CTNNA3: variants seen among roughly 807,000 people sequenced by gnomAD.
CTNNA3 encodes the protein catenin alpha 3.
A neutral mutation model predicts 95.7 loss-of-function variants in CTNNA3; 76 were observed. That is an observed-to-expected ratio of 0.79 (90% CI 0.66 to 0.96). The LOEUF is 0.96. Ranked by LOEUF, CTNNA3 falls within the 40% of genes least tolerant of loss-of-function variation. The probability of loss-of-function intolerance (pLI) is 0.00; values close to 1 mark genes in which losing one functional copy is unlikely to be tolerated. For synonymous variants in CTNNA3, 431 were observed against 374.4 expected (o/e 1.15, Z -1.74); for missense variants, 1,191 against 1,089.8 (o/e 1.09, Z -1.31).
At chr10:66,766,550 A>T in intron 8 of CTNNA3, 134 bp from the exon 9 acceptor site, 2 of 685,384 alleles carry the variant, frequency 2.9e-6, no homozygotes, top group Admixed American at 6.2e-5. Flanking sequence ...ATACTTAAAG[A>T]TATACAAGAA....
At chr10:66,881,100 C>T (rs1307736872) in intron 7 of CTNNA3, among the ~76,000 whole-genome samples, 3 of 151,994 alleles carry the variant, frequency 2.0e-5, no homozygotes, top group Admixed American at 6.6e-5. Flanking sequence ...CAGGTTTTTC[C>T]AAATCATTCT....
chr10:67,237,122 G>GTGTA (rs1554810757), intron 5 of CTNNA3, among the ~76,000 whole-genome samples: 55 of 79,628 alleles, frequency 6.9e-4, no homozygotes, highest in South Asian at 1.9e-3. Flanking sequence ...AAACTATGGT[G>GTGTA]TATGTATATA....
chr10:66,542,836 A>G (rs1841904496), intron 10 of CTNNA3, among the ~76,000 whole-genome samples: 1 of 152,078 alleles, frequency 6.6e-6, no homozygotes, highest in South Asian at 2.1e-4. Context: ...ATGTATACAT[A>G]TGTAACAAGC....
intron 11 of CTNNA3, among the ~76,000 whole-genome samples, chr10:66,446,578 T>A (rs1288751260): frequency 1.3e-5 from 2 of 151,860 alleles, no homozygotes; most frequent in East Asian, 3.9e-4. Flanking sequence ...AAAAACCACA[T>A]GATTATCTCA....
chr10:67,357,174 A>G (rs887644465), intron 5 of CTNNA3, among the ~76,000 whole-genome samples: 1 of 152,050 alleles, frequency 6.6e-6, no homozygotes, highest in African/African-American at 2.4e-5. Flanking sequence ...ACCTCTCCAC[A>G]TGTATCCTAA....
chr10:66,013,091 G>A (rs2079035425), intron 15 of CTNNA3, among the ~76,000 whole-genome samples: 1 of 152,206 alleles, frequency 6.6e-6, no homozygotes, highest in African/African-American at 2.4e-5. Context: ...AGTGGAGACA[G>A]TGTTTTGCCA....
At chr10:67,677,742 G>C (rs909203257) in intron 1 of CTNNA3, among the ~76,000 whole-genome samples, 3 of 152,136 alleles carry the variant, frequency 2.0e-5, no homozygotes, top group Admixed American at 6.6e-5. Flanking sequence ...GACAAGGAAA[G>C]AATGACATAT....
intron 7 of CTNNA3, among the ~76,000 whole-genome samples, chr10:66,959,662 C>CT (rs1161015649): frequency 6.6e-6 from 1 of 152,160 alleles, no homozygotes; most frequent in African/African-American, 2.4e-5. Flanking sequence ...CCAATGCCCC[C>CT]ATTCTACTCT....
chr10:66,908,200 T>C (rs1846072115), intron 7 of CTNNA3, among the ~76,000 whole-genome samples: 1 of 152,206 alleles, frequency 6.6e-6, no homozygotes, highest in Non-Finnish European at 1.5e-5. Flanking sequence ...GGACCAGGAC[T>C]TCACATTGAT....
intron 10 of CTNNA3, among the ~76,000 whole-genome samples, chr10:66,532,870 A>G (rs1841519096): frequency 6.6e-6 from 1 of 152,120 alleles, no homozygotes. Context: ...CTCATTGTTC[A>G]TGCTCTTGCA....
At chr10:66,297,375 T>C (rs998354741) in intron 12 of CTNNA3, among the ~76,000 whole-genome samples, 7 of 152,050 alleles carry the variant, frequency 4.6e-5, no homozygotes, top group Non-Finnish European at 1.0e-4. Flanking sequence ...TCTGGGAAAA[T>C]TATGGGACTA....
chr10:67,635,380 A>G (rs1839274995), intron 2 of CTNNA3, among the ~76,000 whole-genome samples: 1 of 152,192 alleles, frequency 6.6e-6, no homozygotes, highest in South Asian at 2.1e-4. Flanking sequence ...ATAAAACTTC[A>G]GGCCAAAATC....
intron 11 of CTNNA3, among the ~76,000 whole-genome samples, chr10:66,466,378 T>A (rs1838917712): frequency 9.1e-6 from 1 of 109,512 alleles, no homozygotes; most frequent in Non-Finnish European, 1.9e-5. Context: ...ACACACAATC[T>A]ATTGGTTCTG....
chr10:67,332,947 G>C (rs551454327), intron 5 of CTNNA3, among the ~76,000 whole-genome samples: 4 of 152,228 alleles, frequency 2.6e-5, no homozygotes, highest in Non-Finnish European at 5.9e-5. Context: ...CTACACACTG[G>C]ATTATATGAA....
intron 13 of CTNNA3, among the ~76,000 whole-genome samples, chr10:66,105,836 A>G (rs542858720): frequency 5.3e-5 from 8 of 152,356 alleles, no homozygotes; most frequent in Non-Finnish European, 1.2e-4. Context: ...ATAAATAGTT[A>G]AATACAAAAT....
chr10:67,370,583 G>A (rs1385566296), intron 5 of CTNNA3, among the ~76,000 whole-genome samples: 1 of 152,078 alleles, frequency 6.6e-6, no homozygotes, highest in Admixed American at 6.6e-5. Flanking sequence ...ACATCTGTAG[G>A]TTAGGAATGC....
At chr10:66,131,402 G>T (rs1191242768) in intron 13 of CTNNA3, among the ~76,000 whole-genome samples, 3 of 152,122 alleles carry the variant, frequency 2.0e-5, no homozygotes, top group African/African-American at 4.8e-5. Flanking sequence ...ATGCAAGGTT[G>T]GTTCAACATA....
intron 11 of CTNNA3, among the ~76,000 whole-genome samples, chr10:66,505,640 T>C (rs1206583097): frequency 1.3e-5 from 2 of 152,148 alleles, no homozygotes; most frequent in Non-Finnish European, 2.9e-5. Flanking sequence ...GTTATCAAAC[T>C]GGTTCTCACC....
At chr10:66,412,838 A>T (rs926157606) in intron 11 of CTNNA3, among the ~76,000 whole-genome samples, 1 of 152,092 alleles carries the variant, frequency 6.6e-6, no homozygotes, top group African/African-American at 2.4e-5. Context: ...ACTTGAAAAA[A>T]AAATGAATTC....
Sources: gnomAD v4.1 joint callset for allele counts (sites outside exome capture counted in the v4.1 genomes callset) on GRCh38, gnomAD v4.1.1 for gene constraint, MANE v1.5 for transcripts, NCBI Gene and HGNC (gene_info 2026-07-23, HGNC 2026-07-21) for gene names.